SMYD1: variants seen among roughly 807,000 people sequenced by gnomAD.
The protein encoded by SMYD1 is SET and MYND domain containing 1, also known as histone-lysine N-methyltransferase SMYD1.
SMYD1 carries 49 observed loss-of-function variants against 54.0 expected under a neutral mutation model. That is an observed-to-expected ratio of 0.91 (90% CI 0.72 to 1.15). SMYD1 has a LOEUF of 1.15. SMYD1 is among the 50% of genes most tolerant of loss of function. SMYD1 has a pLI of 0.00. For synonymous variants in SMYD1, 269 were observed against 234.2 expected (o/e 1.15, Z -1.36); for missense variants, 653 against 639.6 (o/e 1.02, Z -0.23).
chr2:88,104,153 A>C (rs1441754110), intron 7 of SMYD1, among the ~76,000 whole-genome samples: 3 of 152,052 alleles, frequency 2.0e-5, no homozygotes, highest in African/African-American at 7.2e-5. Context: ...CTTTCAGTAG[A>C]GAAGGGGTTT....
At chr2:88,096,355 G>C (rs1277280314) in intron 5 of SMYD1, among the ~76,000 whole-genome samples, 1 of 152,196 alleles carries the variant, frequency 6.6e-6, no homozygotes, top group Non-Finnish European at 1.5e-5. Flanking sequence ...GAGTCTATTT[G>C]AGCTGATTCC....
At chr2:88,106,541 G>C in intron 8 of SMYD1, 53 bp downstream of exon 8, 2 of 1,575,948 alleles carry the variant, frequency 1.3e-6, no homozygotes, top group African/African-American at 2.7e-5. Flanking sequence ...GTGTATTCCA[G>C]GGATGGCAAA....
intron 1 of SMYD1, among the ~76,000 whole-genome samples, chr2:88,078,881 A>C (rs1674126489): frequency 6.6e-6 from 1 of 152,236 alleles, no homozygotes; most frequent in Admixed American, 6.5e-5. Context: ...AGGAAACCTA[A>C]ATTTAAGAAC....
chr2:88,106,459 C>G lies in SMYD1; in HGVS notation c.1116C>G (p.Phe372Leu), dbSNP rs149272100. 7.7e-5 allele frequency: 125 copies of G among 1,614,006 alleles called. No individual in the cohort carries two copies. The highest frequency in any genetic ancestry group is 1.0e-4 in the Non-Finnish European group (122 of 1,180,010). ...TCCAGGCCTTTGAGGAGGCCTCGTT[C>G]TATGCCAGGAGGATGGTGGACGGCT... is the stretch of plus-strand genomic sequence containing the variant. ...SYLQAFEEAS[F>L]YARRMVDGYM... The change falls in exon 8 of 10, where the codon TTC becomes TTG. Residue 372 changes from phenylalanine (F) to leucine (L), a missense_variant. Coordinates refer to ENST00000419482, the MANE Select transcript of SMYD1 (RefSeq NM_198274.4).
chr2:88,093,482 A>G (rs1323312175), intron 4 of SMYD1, 35 bp from the exon 5 acceptor site: 4 of 1,613,924 alleles, frequency 2.5e-6, no homozygotes, highest in Admixed American at 3.3e-5. Context: ...GCCAATGATA[A>G]TGATTTCCAT....
intron 4 of SMYD1, among the ~76,000 whole-genome samples, chr2:88,091,723 G>T (rs1674466953): frequency 6.6e-6 from 1 of 152,100 alleles, no homozygotes; most frequent in South Asian, 2.1e-4. Flanking sequence ...CATTAGCCGG[G>T]CATGGTGGTG....
chr2:88,090,877 T>C (rs1366817402), intron 3 of SMYD1, 135 bp from the exon 4 acceptor site: 2 of 946,410 alleles, frequency 2.1e-6, no homozygotes, highest in Non-Finnish European at 3.2e-6. Context: ...AGGAGACTAA[T>C]TGTTCTGTGT....
At chr2:88,089,649 G>GT (rs1380109204) in intron 3 of SMYD1, among the ~76,000 whole-genome samples, 1 of 143,498 alleles carries the variant, frequency 7.0e-6, no homozygotes, top group African/African-American at 2.7e-5. Flanking sequence ...CTGGAGTGCA[G>GT]TGGTGCAATC....
intron 9 of SMYD1, 152 bp from the exon 10 acceptor site, chr2:88,110,202 T>A (rs28575987): frequency 0.034 from 4,083 of 119,358 alleles, 124 homozygotes; most frequent in African/African-American, 0.16. Context: ...GATGAATGAG[T>A]GTGTGTGTGT....
chr2:88,107,058 A>T (rs1180208917), intron 8 of SMYD1, among the ~76,000 whole-genome samples: 1 of 142,758 alleles, frequency 7.0e-6, no homozygotes, highest in Non-Finnish European at 1.5e-5. Context: ...AAAATTAGTC[A>T]GGCATGGTGG....
chr2:88,083,483 C>G (rs1339230171), intron 1 of SMYD1, among the ~76,000 whole-genome samples: 1 of 152,118 alleles, frequency 6.6e-6, no homozygotes, highest in Admixed American at 6.5e-5. Flanking sequence ...AATGGGCATG[C>G]ATTTTCCTCC....
rs750870704 is a variant in SMYD1, at chr2:88,096,616, C to T, written c.720C>T (p.Gly240=). The part of the protein sequence containing the change: ...TQMRIELRAL[G]KISEGEELTV... ...TCAGAATTGAGCTCCGGGCCCTAGGCAAGATCTCAGAAGGAGAGGAGCTGA... is the reference window on the plus strand; with the variant it reads ...TCAGAATTGAGCTCCGGGCCCTAGGTAAGATCTCAGAAGGAGAGGAGCTGA... The change falls in exon 6 of 10, where the codon GGC becomes GGT. Residue 240 remains glycine, a synonymous_variant. Transcript: ENST00000419482. The T allele has an allele frequency of 6.2e-7, 1 of 1,613,102 alleles. No homozygotes were observed. The highest frequency in any genetic ancestry group is 8.5e-7 in the Non-Finnish European group (1 of 1,179,532).
chr2:88,104,457 G>A lies in SMYD1; in HGVS notation c.981+1307G>A, dbSNP rs559392110. ...CATGGAAAATCTGTCAGAGGCACGA[G>A]GTGGGAGCTGGAGTGAGCAGGAGGG... is the stretch of plus-strand genomic sequence containing the variant. On this transcript the variant is annotated intron_variant, in intron 7 of 9. Coordinates refer to ENST00000419482, the MANE Select transcript of SMYD1 (RefSeq NM_198274.4). Among the ~76,000 whole-genome samples the A allele has an allele frequency of 9.2e-5, 14 of 152,342 alleles. No individual in the cohort carries two copies. The South Asian group carries it at 2.9e-3, about 32-fold the overall frequency.
intron 7 of SMYD1, among the ~76,000 whole-genome samples, chr2:88,104,203 T>C (rs1674801088): frequency 6.6e-6 from 1 of 152,182 alleles, no homozygotes; most frequent in Non-Finnish European, 1.5e-5. Flanking sequence ...CCCAACATCA[T>C]GATCTGCCCG....
intron 1 of SMYD1, among the ~76,000 whole-genome samples, chr2:88,071,870 C>A (rs1213725242): frequency 6.6e-6 from 1 of 152,010 alleles, no homozygotes; most frequent in Non-Finnish European, 1.5e-5. Context: ...TGAGTGGGAG[C>A]TCTGTGGTAC....
chr2:88,089,326 A>G (rs887372366), intron 3 of SMYD1, among the ~76,000 whole-genome samples: 5 of 152,208 alleles, frequency 3.3e-5, no homozygotes, highest in African/African-American at 1.2e-4. Flanking sequence ...AGAAGCATAC[A>G]TTATAGTATT....
chr2:88,093,538 G>T lies in SMYD1; in HGVS notation c.681G>T (p.Met227Ile). 6.2e-7 allele frequency: 1 copy of T among 1,614,102 alleles called. No homozygotes were observed. The highest frequency in any genetic ancestry group is 8.5e-7 in the Non-Finnish European group (1 of 1,180,010). ...NNGNHEAVKS[M>I]FHTQMRIELR... ...TCAGTCATGAGGCAGTGAAATCCAT[G>T]TTTCATACCCAGATGAGGTGGGTCA... is the stretch of plus-strand genomic sequence containing the variant. Residue 227 changes from methionine (M) to isoleucine (I), a missense_variant, in exon 5 of 10, where the codon ATG (methionine) becomes ATT (isoleucine). Met to Ile is a conservative substitution (Grantham distance 10). Transcript: ENST00000419482.
chr2:88,081,264 C>G (rs1674184870), intron 1 of SMYD1, among the ~76,000 whole-genome samples: 2 of 151,950 alleles, frequency 1.3e-5, no homozygotes, highest in African/African-American at 4.8e-5. Flanking sequence ...ATGTCAGAAC[C>G]TATCAAAGTG....
At chr2:88,083,793 G>T (rs1674254480) in intron 1 of SMYD1, among the ~76,000 whole-genome samples, 1 of 152,088 alleles carries the variant, frequency 6.6e-6, no homozygotes, top group Non-Finnish European at 1.5e-5. Context: ...TTCACATGGG[G>T]GTCACTTAAA....
Sources: gnomAD v4.1 joint callset for allele counts (sites outside exome capture counted in the v4.1 genomes callset) on GRCh38, gnomAD v4.1.1 for gene constraint, MANE v1.5 for transcripts, NCBI Gene and HGNC (gene_info 2026-07-23, HGNC 2026-07-21) for gene names.